Variants in RAB38 observed in about 807,000 individuals in gnomAD.
RAB38 encodes the protein RAB38, member RAS oncogene family.
A neutral mutation model predicts 18.4 loss-of-function variants in RAB38; 15 were observed. That is an observed-to-expected ratio of 0.82 (90% CI 0.55 to 1.26). RAB38 has a LOEUF of 1.26. Among genes scored for constraint, RAB38 ranks in the 50% most tolerant of loss-of-function variants. RAB38 has a pLI of 0.00. For synonymous variants in RAB38, 101 were observed against 104.4 expected (o/e 0.97, Z 0.20); for missense variants, 294 against 267.4 (o/e 1.10, Z -0.69).
chr11:87,932,795 C>A, the RAB38 span, among the ~76,000 whole-genome samples: 1 of 152,112 alleles, frequency 6.6e-6, no homozygotes, highest in Non-Finnish European at 1.5e-5. Flanking sequence ...ACCTTAATGG[C>A]AGCTGTGTCC....
chr11:87,853,147 T>C, the RAB38 span, among the ~76,000 whole-genome samples: 2 of 152,150 alleles, frequency 1.3e-5, no homozygotes, highest in Admixed American at 6.6e-5. Flanking sequence ...CTGGAAAGGT[T>C]TATGAAGTCC....
chr11:88,126,382 G>C (rs985402274), intron 2 of RAB38, among the ~76,000 whole-genome samples: 5 of 152,138 alleles, frequency 3.3e-5, no homozygotes, highest in Non-Finnish European at 5.9e-5. Flanking sequence ...AAAAAATGAT[G>C]AGTTCATGTC....
chr11:88,149,312 T>A (rs1481986799), intron 2 of RAB38, among the ~76,000 whole-genome samples: 1 of 152,234 alleles, frequency 6.6e-6, no homozygotes, highest in African/African-American at 2.4e-5. Context: ...AACACATGAA[T>A]AAGGCCTTTA....
the RAB38 span, among the ~76,000 whole-genome samples, chr11:87,900,447 G>A: frequency 6.6e-6 from 1 of 151,618 alleles, no homozygotes; most frequent in African/African-American, 2.4e-5. Flanking sequence ...ATAAATCTGT[G>A]CAAAAAGCAG....
chr11:88,032,593 A>C, the RAB38 span, among the ~76,000 whole-genome samples: 71 of 152,386 alleles, frequency 4.7e-4, no homozygotes, highest in African/African-American at 1.6e-3. Flanking sequence ...TCTCAGAAGA[A>C]GACATTTATG....
the RAB38 span, among the ~76,000 whole-genome samples, chr11:87,914,188 A>C: frequency 1.3e-5 from 2 of 151,982 alleles, no homozygotes; most frequent in Non-Finnish European, 2.9e-5. Context: ...GGAAGAACAC[A>C]AAAAAAAGAG....
chr11:87,811,291 A>C, the RAB38 span, among the ~76,000 whole-genome samples: 1 of 152,168 alleles, frequency 6.6e-6, no homozygotes, highest in Admixed American at 6.5e-5. Flanking sequence ...GCATTCAGTT[A>C]ACACTAAAAT....
chr11:87,805,750 C>G, the RAB38 span, among the ~76,000 whole-genome samples: 1 of 151,468 alleles, frequency 6.6e-6, no homozygotes, highest in Non-Finnish European at 1.5e-5. Context: ...CATATATACA[C>G]ATACATATAT....
chr11:87,828,798 G>A, the RAB38 span, among the ~76,000 whole-genome samples: 1 of 152,050 alleles, frequency 6.6e-6, no homozygotes, highest in African/African-American at 2.4e-5. Flanking sequence ...GCCAAACAAT[G>A]TGCTTTAAAT....
At chr11:87,929,747 A>T in the RAB38 span, among the ~76,000 whole-genome samples, 6 of 114,492 alleles carry the variant, frequency 5.2e-5, no homozygotes, top group African/African-American at 1.7e-4. Flanking sequence ...CCGGTGTGTG[A>T]CGTTCCCCTT....
Position 88,175,329 on chromosome 11 carries a change from C to G in RAB38, c.56G>C (p.Gly19Ala). ...CTTGATGATACTGGTCTTCCCCACG[C>G]CCAGGTCGCCAATCACCAGCAACTT... ...LYKLLVIGDL[G>A]VGKTSIIKRY... The change falls in exon 1 of 3, where the codon GGC (glycine) becomes GCC (alanine). Residue 19 changes from glycine (G) to alanine (A), a missense_variant. By Grantham distance (60) the Gly-to-Ala change is moderately conservative. Coordinates refer to ENST00000243662, the MANE Select transcript of RAB38 (RefSeq NM_022337.3). 6.2e-7 allele frequency: 1 copy of G among 1,614,194 alleles called. No individual in the cohort carries two copies. The highest frequency in any genetic ancestry group is 2.2e-5 in the East Asian group (1 of 44,882).
the RAB38 span, among the ~76,000 whole-genome samples, chr11:87,805,518 T>C: frequency 1.3e-5 from 2 of 151,880 alleles, no homozygotes; most frequent in Non-Finnish European, 2.9e-5. Context: ...CTGGAGAAGA[T>C]ATAATCTCTG....
chr11:87,934,862 G>GCAAA, the RAB38 span, among the ~76,000 whole-genome samples: 2 of 152,096 alleles, frequency 1.3e-5, no homozygotes, highest in African/African-American at 4.8e-5. Flanking sequence ...AGCAGTTGCA[G>GCAAA]CAAACAGCTA....
chr11:88,058,950 C>G, the RAB38 span, among the ~76,000 whole-genome samples: 1 of 152,184 alleles, frequency 6.6e-6, no homozygotes, highest in South Asian at 2.1e-4. Context: ...CTAGCTGAGA[C>G]AGAGATTTTC....
intron 2 of RAB38, among the ~76,000 whole-genome samples, chr11:88,117,332 G>C (rs1450374222): frequency 6.6e-6 from 1 of 152,132 alleles, no homozygotes; most frequent in East Asian, 1.9e-4. Context: ...GGTTGGAAAG[G>C]GCATCAGGGT....
chr11:88,083,306 A>AT, the RAB38 span, among the ~76,000 whole-genome samples: 3 of 151,866 alleles, frequency 2.0e-5, no homozygotes, highest in African/African-American at 7.2e-5. Context: ...TAATATGTGC[A>AT]TTATATATTT....
chr11:88,047,046 C>T, the RAB38 span, among the ~76,000 whole-genome samples: 35 of 152,230 alleles, frequency 2.3e-4, no homozygotes, highest in African/African-American at 6.7e-4. Context: ...TGCGTGCAGC[C>T]GCTGCCGCCC....
chr11:87,933,400 T>C, the RAB38 span, among the ~76,000 whole-genome samples: 2 of 152,098 alleles, frequency 1.3e-5, no homozygotes, highest in African/African-American at 4.8e-5. Context: ...GTAGAACATG[T>C]GTTCTGGTCC....
At chr11:87,835,404 A>G in the RAB38 span, among the ~76,000 whole-genome samples, 2 of 152,124 alleles carry the variant, frequency 1.3e-5, no homozygotes, top group South Asian at 2.1e-4. Context: ...TAAACTCCCT[A>G]CTGTCTCTAT....
Sources: allele counts gnomAD v4.1 joint callset (sites outside exome capture counted in the v4.1 genomes callset), GRCh38; gene constraint gnomAD v4.1.1; transcripts MANE v1.5; gene names NCBI Gene and HGNC (gene_info 2026-07-23, HGNC 2026-07-21).